Variants in THOC7 observed in about 807,000 individuals in gnomAD.
The protein encoded by THOC7 is THO complex subunit 7.
THOC7 carries 22 observed loss-of-function variants against 33.1 expected under a neutral mutation model. The observed-to-expected ratio is 0.66, with a 90% CI of 0.47 to 0.95. THOC7 has a LOEUF of 0.95. Ranked by LOEUF, THOC7 falls within the 40% of genes least tolerant of loss-of-function variation. THOC7 has a pLI of 0.00. For synonymous variants in THOC7, 77 were observed against 76.8 expected (o/e 1.00, Z -0.01); for missense variants, 184 against 245.3 (o/e 0.75, Z 1.67).
In THOC7 at chr3:63,838,473, C is replaced by T. The variant is rs769768544; in HGVS notation, c.164G>A (p.Ser55Asn). 2 of 1,609,336 alleles carry T rather than the reference C, an allele frequency of 1.2e-6. No homozygotes were observed. Among genetic ancestry groups the T allele is most frequent in the South Asian group, 2.2e-5 (2 of 90,006 alleles). ...TGAAAATTCACATTGAGACAGCGTGCTCAGCATACGTTGGTACTGGCTATA... is the reference window on the plus strand; with the variant it reads ...TGAAAATTCACATTGAGACAGCGTGTTCAGCATACGTTGGTACTGGCTATA... Reference protein sequence around the residue: ...EGYSQYQRMLSTLSQCEFSMG... With the variant: ...EGYSQYQRMLNTLSQCEFSMG... Residue 55 changes from serine to asparagine, a missense_variant, in exon 3 of 8, where the codon AGC (serine) becomes AAC (asparagine). Physicochemically the swap from Ser to Asn is conservative, Grantham distance 46. This residue lies in a region of THOC7 where 157 missense variants were observed against 201.3 expected (regional missense o/e 0.78). Coordinates refer to ENST00000295899, the MANE Select transcript of THOC7 (RefSeq NM_025075.4).
intron 1 of THOC7, among the ~76,000 whole-genome samples, chr3:63,845,317 G>A (rs924704352): frequency 3.9e-5 from 6 of 152,204 alleles, no homozygotes; most frequent in Non-Finnish European, 7.3e-5. Flanking sequence ...CATAGTGGCT[G>A]ACAAGTCACT....
chr3:63,854,395 T>C (rs1364349181), intron 1 of THOC7, among the ~76,000 whole-genome samples: 2 of 152,232 alleles, frequency 1.3e-5, no homozygotes, highest in African/African-American at 2.4e-5. Flanking sequence ...ACTTCACAAA[T>C]TATCATGCTT....
intron 7 of THOC7, 61 bp downstream of exon 7, chr3:63,835,093 A>G: frequency 1.3e-6 from 2 of 1,515,274 alleles, no homozygotes; most frequent in Admixed American, 1.8e-5. Flanking sequence ...TTCAAAAGGT[A>G]CATCCCTGGG....
At chr3:63,853,459 G>A (rs988942503) in intron 1 of THOC7, among the ~76,000 whole-genome samples, 3 of 152,278 alleles carry the variant, frequency 2.0e-5, no homozygotes, top group East Asian at 3.9e-4. Context: ...GTATATTCAC[G>A]TAAGACCAAC....
chr3:63,837,371 A>G (rs928433421), intron 4 of THOC7, among the ~76,000 whole-genome samples: 10 of 152,114 alleles, frequency 6.6e-5, no homozygotes, highest in Middle Eastern at 6.9e-3. Flanking sequence ...AATTTACATT[A>G]TAAGAAGAGC....
At chr3:63,838,123 T>C (rs541137531) in intron 3 of THOC7, 61 bp from the exon 4 acceptor site, 758 of 1,441,168 alleles carry the variant, frequency 5.3e-4, no homozygotes, top group Admixed American at 8.4e-4. Flanking sequence ...TTTTTAATTT[T>C]AAAACGCATT....
chr3:63,838,262 A>G, intron 3 of THOC7, 110 bp downstream of exon 3: 1 of 943,260 alleles, frequency 1.1e-6, no homozygotes, highest in Admixed American at 3.1e-5. Context: ...CTTTCCATTA[A>G]TACAGTAATT....
intron 1 of THOC7, among the ~76,000 whole-genome samples, chr3:63,850,329 T>C (rs529690955): frequency 1.2e-4 from 18 of 151,856 alleles, no homozygotes; most frequent in African/African-American, 3.6e-4. Flanking sequence ...GCCTCACAAG[T>C]AGCTGGGATT....
intron 1 of THOC7, among the ~76,000 whole-genome samples, chr3:63,849,520 T>C (rs553768621): frequency 2.6e-3 from 400 of 152,290 alleles, no homozygotes; most frequent in Non-Finnish European, 4.2e-3. Flanking sequence ...TGCCTTCATT[T>C]GGCTTCCTAA....
At chr3:63,850,634 T>TGGAGTACA (rs1276532878) in intron 1 of THOC7, among the ~76,000 whole-genome samples, 1 of 143,486 alleles carries the variant, frequency 7.0e-6, no homozygotes, top group Non-Finnish European at 1.5e-5. Context: ...TCGCCCAGCC[T>TGGAGTACA]GGAGTACAGT....
At chr3:63,864,080 C>G (rs868741179), upstream of THOC7, among the ~76,000 whole-genome samples, 1,401 of 145,850 alleles carry the variant, frequency 9.6e-3, 16 homozygotes, top group Middle Eastern at 0.032. Flanking sequence ...GGCTGCAGCC[C>G]GGGCTCCCGC....
intron 1 of THOC7, among the ~76,000 whole-genome samples, chr3:63,852,367 G>T (rs2107154608): frequency 6.6e-6 from 1 of 152,244 alleles, no homozygotes; most frequent in African/African-American, 2.4e-5. Context: ...AGTATAAGTG[G>T]GGTGGATGGG....
intron 1 of THOC7, chr3:63,854,554 A>T (rs1702076655): frequency 6.6e-6 from 1 of 152,134 alleles, no homozygotes; most frequent in South Asian, 2.1e-4. Context: ...TACTTTCTTT[A>T]CTATGAGGAT....
chr3:63,844,489 A>G (rs967278965), intron 1 of THOC7, among the ~76,000 whole-genome samples: 3 of 152,216 alleles, frequency 2.0e-5, no homozygotes, highest in Non-Finnish European at 4.4e-5. Flanking sequence ...GTTATCTGTC[A>G]TTTTAAAATA....
intron 1 of THOC7, among the ~76,000 whole-genome samples, chr3:63,857,224 T>C (rs1702131368): frequency 6.6e-6 from 1 of 152,222 alleles, no homozygotes; most frequent in South Asian, 2.1e-4. Flanking sequence ...TCATTTTTCA[T>C]ATTGTGCATT....
chr3:63,845,164 A>G, intron 1 of THOC7: 1 of 568,764 alleles, frequency 1.8e-6, no homozygotes, highest in Non-Finnish European at 3.2e-6. Context: ...CTCAGATCTG[A>G]GCTCTGCTCT....
chr3:63,857,821 T>C (rs1413809095), intron 1 of THOC7, among the ~76,000 whole-genome samples: 2 of 152,204 alleles, frequency 1.3e-5, no homozygotes, highest in Admixed American at 1.3e-4. Flanking sequence ...GTTGAGGTCC[T>C]TTGTCTTTTC....
chr3:63,836,383 A>C (rs1701635431), intron 4 of THOC7, 25 bp from the exon 5 acceptor site: 1 of 1,607,118 alleles, frequency 6.2e-7, no homozygotes, highest in Non-Finnish European at 8.5e-7. Flanking sequence ...AATATTTATC[A>C]AACTAAGGAT....
At chr3:63,863,620 G>C (rs1279156952) in intron 1 of THOC7, 152 bp downstream of exon 1, 1 of 1,198,850 alleles carries the variant, frequency 8.3e-7, no homozygotes. Flanking sequence ...GGAGGCCCGG[G>C]GCTCCGGGGA....
Sources: allele counts gnomAD v4.1 joint callset (sites outside exome capture counted in the v4.1 genomes callset), GRCh38; gene constraint gnomAD v4.1.1; regional missense constraint gnomAD v4.1.1; transcripts MANE v1.5; gene names NCBI Gene and HGNC (gene_info 2026-07-23, HGNC 2026-07-21).